ASPRV1: variants seen among roughly 807,000 people sequenced by gnomAD.
ASPRV1 encodes aspartic peptidase retroviral like 1.
A neutral mutation model predicts 11.0 loss-of-function variants in ASPRV1; 7 were observed. That is an observed-to-expected ratio of 0.64 (90% CI 0.36 to 1.20). The LOEUF (loss-of-function observed/expected upper bound fraction) is 1.20. Ranked by LOEUF, ASPRV1 falls within the 50% of genes most tolerant of loss-of-function variation. The pLI, the probability that ASPRV1 is intolerant of heterozygous loss-of-function variation, is 0.02. For missense variants in ASPRV1, 299 were observed against 320.0 expected (o/e 0.93, Z 0.50); for synonymous variants, 136 against 138.4 (o/e 0.98, Z 0.12).
the ASPRV1 span, among the ~76,000 whole-genome samples, chr2:70,081,646 C>T: frequency 4.7e-4 from 71 of 152,098 alleles, no homozygotes; most frequent in Non-Finnish European, 7.6e-4. Context: ...TGCAGTGACG[C>T]GATCATGGCT....
chr2:69,946,977 A>G, the ASPRV1 span, among the ~76,000 whole-genome samples: 2 of 152,200 alleles, frequency 1.3e-5, no homozygotes, highest in Non-Finnish European at 2.9e-5. Context: ...AAATGCCCAT[A>G]TGTTGCAAGT....
the ASPRV1 span, among the ~76,000 whole-genome samples, chr2:70,022,361 TTACACA>T: frequency 1.3e-5 from 1 of 75,168 alleles, no homozygotes; most frequent in African/African-American, 8.1e-5. Flanking sequence ...ACACACACAC[TTACACA>T]CACACACACA....
the ASPRV1 span, chr2:70,072,991 G>T: frequency 1.3e-5 from 2 of 151,758 alleles, no homozygotes; most frequent in East Asian, 3.9e-4. Flanking sequence ...AGGATCGCTT[G>T]TGCCAGGGAG....
chr2:69,970,736 C>T, the ASPRV1 span: 1 of 152,334 alleles, frequency 6.6e-6, no homozygotes, highest in Non-Finnish European at 1.5e-5. Flanking sequence ...ACAACCTGCA[C>T]ATCCTCCAGC....
chr2:69,992,735 G>A, the ASPRV1 span, among the ~76,000 whole-genome samples: 2 of 152,068 alleles, frequency 1.3e-5, no homozygotes, highest in Non-Finnish European at 2.9e-5. Flanking sequence ...CTTTGATATT[G>A]TTATTTTAGG....
At chr2:70,009,433 G>A in the ASPRV1 span, among the ~76,000 whole-genome samples, 3 of 151,998 alleles carry the variant, frequency 2.0e-5, no homozygotes, top group African/African-American at 4.8e-5. Flanking sequence ...GGGTTCAAGC[G>A]ATTCTCCTGC....
chr2:70,040,653 G>A, the ASPRV1 span, among the ~76,000 whole-genome samples: 1 of 152,128 alleles, frequency 6.6e-6, no homozygotes, highest in African/African-American at 2.4e-5. Flanking sequence ...GGCCAAGATG[G>A]TGAAACTTCG....
chr2:70,078,789 T>C, the ASPRV1 span, among the ~76,000 whole-genome samples: 4 of 152,124 alleles, frequency 2.6e-5, no homozygotes, highest in African/African-American at 9.7e-5. Flanking sequence ...GGCACCCAGG[T>C]GACAGTTTTC....
chr2:69,986,317 G>A, the ASPRV1 span, among the ~76,000 whole-genome samples: 4 of 152,234 alleles, frequency 2.6e-5, no homozygotes, highest in African/African-American at 9.6e-5. Flanking sequence ...GCTAACAGGG[G>A]GAATGGTCCT....
chr2:69,954,292 G>A, the ASPRV1 span, among the ~76,000 whole-genome samples: 2 of 152,166 alleles, frequency 1.3e-5, no homozygotes, highest in Non-Finnish European at 2.9e-5. Context: ...TACAGTCCCA[G>A]AATCCTTTGC....
At chr2:70,061,697 G>A in the ASPRV1 span, among the ~76,000 whole-genome samples, 55 of 152,298 alleles carry the variant, frequency 3.6e-4, no homozygotes, top group African/African-American at 1.3e-3. Flanking sequence ...GCTCACACCT[G>A]TAATCCCAGC....
At chr2:70,005,725 G>A in the ASPRV1 span, among the ~76,000 whole-genome samples, 19 of 152,322 alleles carry the variant, frequency 1.2e-4, no homozygotes, top group Admixed American at 3.9e-4. Context: ...GCTTGTGACT[G>A]CATGTAGAGA....
At chr2:70,044,738 C>T in the ASPRV1 span, among the ~76,000 whole-genome samples, 1 of 152,204 alleles carries the variant, frequency 6.6e-6, no homozygotes, top group Non-Finnish European at 1.5e-5. Flanking sequence ...GGATTCCGGG[C>T]GTGAGCCACC....
the ASPRV1 span, among the ~76,000 whole-genome samples, chr2:69,990,579 G>A: frequency 6.6e-6 from 1 of 152,044 alleles, no homozygotes; most frequent in Non-Finnish European, 1.5e-5. Context: ...TAGGGCTCAT[G>A]TGATCCTCCC....
the ASPRV1 span, among the ~76,000 whole-genome samples, chr2:70,061,591 A>C: frequency 2.4e-3 from 364 of 152,182 alleles, 2 homozygotes; most frequent in African/African-American, 8.4e-3. Flanking sequence ...AGACTTGAGA[A>C]ACATGCAAGG....
downstream of ASPRV1, among the ~76,000 whole-genome samples, chr2:69,956,518 A>G (rs1677945367): frequency 6.7e-6 from 1 of 150,286 alleles, no homozygotes; most frequent in South Asian, 2.1e-4. Flanking sequence ...GGAGGGGAGG[A>G]GGAGGAGGAG....
chr2:69,968,257 G>A, the ASPRV1 span: 1 of 152,076 alleles, frequency 6.6e-6, no homozygotes, highest in Non-Finnish European at 1.5e-5. Flanking sequence ...CATCGACCAG[G>A]CATGGTGGCT....
At chr2:70,044,453 C>T in the ASPRV1 span, among the ~76,000 whole-genome samples, 1 of 152,092 alleles carries the variant, frequency 6.6e-6, no homozygotes, top group South Asian at 2.1e-4. Flanking sequence ...AAAGGAGACA[C>T]CTAATGTTTT....
upstream of ASPRV1, chr2:69,961,772 C>A: frequency 7.1e-7 from 1 of 1,416,100 alleles, no homozygotes; most frequent in Non-Finnish European, 9.6e-7. Flanking sequence ...GGTGCCTCAC[C>A]CTCTGCATCC....
Sources: gnomAD v4.1 joint callset for allele counts (sites outside exome capture counted in the v4.1 genomes callset) on GRCh38, gnomAD v4.1.1 for gene constraint, MANE v1.5 for transcripts, NCBI Gene and HGNC (gene_info 2026-07-23, HGNC 2026-07-21) for gene names.